The following FBH1 variants were observed in gnomAD, a reference collection of about 807,000 sequenced individuals.
The protein encoded by FBH1 is DNA 3'-5' helicase 1.
A neutral mutation model predicts 115.5 loss-of-function variants in FBH1; 43 were observed. The observed-to-expected ratio is 0.37, with a 90% CI of 0.29 to 0.48. The LOEUF is 0.48. Among genes scored for constraint, FBH1 ranks in the 20% least tolerant of loss-of-function variants. The probability of loss-of-function intolerance (pLI) is 0.99; values close to 1 mark genes in which losing one functional copy is unlikely to be tolerated. For synonymous variants in FBH1, 524 were observed against 507.8 expected, an observed-to-expected ratio of 1.03 and a Z score of -0.43; for missense variants, 1,001 against 1,337.3, an observed-to-expected ratio of 0.75 and a Z score of 3.92.
chr10:5,937,414 C>T lies in FBH1; in HGVS notation c.*134C>T. ...CACTTTCTGAGGAAGAGGACACCAG[C>T]CCAAGCTGGACCTGCCATTTCTCCA... On this transcript the variant is annotated 3_prime_UTR_variant, in exon 21 of 21. Coordinates refer to ENST00000362091, the MANE Select transcript of FBH1 (RefSeq NM_178150.3). 1.0e-6 allele frequency: 1 copy of T among 996,362 alleles called. No individual in the cohort carries two copies. The highest frequency in any genetic ancestry group is 1.4e-6 in the Non-Finnish European group (1 of 735,684). 61.7% of individuals were successfully genotyped at this position (996,362 alleles called of 1,614,324 possible).
chr10:5,936,504 G>T lies in FBH1; in HGVS notation c.2878G>T (p.Val960Leu), dbSNP rs200231278. The change falls in exon 20 of 21, where the codon GTG (valine) becomes TTG (leucine). Residue 960 changes from valine to leucine, a missense_variant. Physicochemically the swap from Val to Leu is conservative, Grantham distance 32. Coordinates refer to ENST00000362091, the MANE Select transcript of FBH1 (RefSeq NM_178150.3). The surrounding 1 kb of genome is among the most constrained non-coding windows in gnomAD (Gnocchi z 5.6). ...ELTSNVLKTG[V>L]VRCCVGQCNN... ...GACAAGCAACGTCTTAAAAACAGGC[G>T]TGGTGCGCTGCTGCGTGGGACAGTG... 2 of 1,614,110 alleles carry T rather than the reference G, an allele frequency of 1.2e-6. No homozygotes were observed.
rs1211336726 is a variant in FBH1 at position 5,913,740 on chromosome 10, C to T, written c.1212-7C>T. 3.9e-6 allele frequency: 6 copies of T among 1,526,438 alleles called. No individual in the cohort carries two copies. The highest frequency in any genetic ancestry group is 1.3e-5 in the South Asian group (1 of 76,880). 94.6% of individuals were successfully genotyped at this position (1,526,438 alleles called of 1,614,324 possible). ...AGACTTTCTAAATCTACTTTTTTTTCTGGTAGGATTCACTACAACATTTTC... is the reference window on the plus strand; with the variant it reads ...AGACTTTCTAAATCTACTTTTTTTTTTGGTAGGATTCACTACAACATTTTC... On this transcript the variant is annotated splice_region_variant and splice_polypyrimidine_tract_variant and intron_variant, in intron 6 of 20. Coordinates refer to ENST00000362091, the MANE Select transcript of FBH1 (RefSeq NM_178150.3). The surrounding 1 kb of genome is among the most constrained non-coding windows in gnomAD (Gnocchi z 4.4).
chr10:5,902,734 G>A (rs932940930), intron 1 of FBH1, among the ~76,000 whole-genome samples: 1 of 151,976 alleles, frequency 6.6e-6, no homozygotes, highest in East Asian at 1.9e-4. Context: ...CAGCCACAAC[G>A]TTTTCTTAAA....
chr10:5,930,085 T>C (rs1190978883), intron 19 of FBH1, among the ~76,000 whole-genome samples: 2 of 152,118 alleles, frequency 1.3e-5, no homozygotes, highest in African/African-American at 4.8e-5. Flanking sequence ...CATTAAAAAG[T>C]AAAGAAAGCA....
At chr10:5,927,630 T>G in intron 19 of FBH1, 89 bp downstream of exon 19, 1 of 958,770 alleles carries the variant, frequency 1.0e-6, no homozygotes, top group Non-Finnish European at 1.6e-6. Flanking sequence ...TTCAGAGGCC[T>G]TCGGATCAAG....
chr10:5,909,129 C>T lies in FBH1; in HGVS notation c.885-30C>T, dbSNP rs1441769067. ...TACATCAGTGCTTATGGTCACCCTA[C>T]TCATGGCCTCTCCTGTGAATGTCTT... On this transcript the variant is annotated intron_variant, in intron 4 of 20. Coordinates refer to ENST00000362091, the MANE Select transcript of FBH1 (RefSeq NM_178150.3). The surrounding 1 kb of genome is among the most constrained non-coding windows in gnomAD (Gnocchi z 4.4). 1.2e-6 allele frequency: 2 copies of T among 1,613,264 alleles called. No homozygotes were observed. The highest frequency in any genetic ancestry group is 3.3e-5 in the Admixed American group (2 of 59,996).
At position 5,903,090 on chromosome 10, in the gene FBH1, G is replaced by A; in HGVS notation, c.72G>A (p.Val24=). Residue 24 remains valine (V), a synonymous_variant, in exon 2 of 21, where the codon GTG becomes GTA. Transcript: ENST00000362091. ...ATTTGGCTCGGAGTCACTTGGCTGT[G>A]ACCCAGCCCTTCGGTCAAAGATGGA... is the stretch of plus-strand genomic sequence containing the variant. ...CQHLARSHLA[V]TQPFGQRWTN... is the part of the protein sequence containing the mutation. The A allele has an allele frequency of 6.2e-7, 1 of 1,613,868 alleles. No individual in the cohort carries two copies.
rs958638446 is a variant in FBH1, at chr10:5,935,752, G to A, written c.2830-704G>A. 1 of 152,276 alleles carries A rather than the reference G, an allele frequency of 6.6e-6. No homozygotes were observed. The highest frequency in any genetic ancestry group is 1.5e-5 in the Non-Finnish European group (1 of 68,064). The allele number at this position is 152,276 out of a possible 1,614,324, so 9.4% of individuals were successfully genotyped here. ...AGAAAATACGAAACCGTCCTTTCCT[G>A]GGCAGCAGATGTGTGCGGTCCTGCT... is the stretch of plus-strand genomic sequence containing the variant. On this transcript the variant is annotated intron_variant, in intron 19 of 20. Transcript: ENST00000362091. The surrounding 1 kb of genome is among the most constrained non-coding windows in gnomAD (Gnocchi z 5.2).
At position 5,913,683 on chromosome 10, in the gene FBH1, A is replaced by G; in HGVS notation, c.1212-64A>G. ...GGAAGGAGTTTAAATCCATCTGAGGAAAAATAAGATGCAGATTGTGACTTG... is the reference window on the plus strand; with the variant it reads ...GGAAGGAGTTTAAATCCATCTGAGGGAAAATAAGATGCAGATTGTGACTTG... On this transcript the variant is annotated intron_variant, in intron 6 of 20. Transcript: ENST00000362091. This position sits in a 1 kb window ranked among gnomAD's most constrained non-coding sequence, Gnocchi z 4.4. 8.5e-7 allele frequency: 1 copy of G among 1,169,650 alleles called. No homozygotes were observed. The highest frequency in any genetic ancestry group is 1.6e-5 in the South Asian group (1 of 62,966). 72.5% of individuals were successfully genotyped at this position (1,169,650 alleles called of 1,614,324 possible).
rs143003526 is a variant in FBH1, at chr10:5,918,537, G to A, written c.2100+59G>A. 2.7e-6 allele frequency: 4 copies of A among 1,484,164 alleles called. No individual in the cohort carries two copies. Among genetic ancestry groups the A allele is most frequent in the Non-Finnish European group, 3.6e-6 (4 of 1,121,726 alleles). The allele number at this position is 1,484,164 out of a possible 1,614,324, so 91.9% of individuals were successfully genotyped here. A position where few individuals can be genotyped will look rare whatever the true frequency, so the allele number is the denominator to read the frequency against. On this transcript the variant is annotated intron_variant, in intron 13 of 20. Transcript: ENST00000362091. The surrounding 1 kb of genome is among the most constrained non-coding windows in gnomAD (Gnocchi z 4.0). ...CTCTCTCCCAATGTCTTACGTGCCA[G>A]GCCCTGTGAAAGGTGGTATGCCAGG...
In FBH1 at chr10:5,931,680, A is replaced by G. The variant is rs537280313; in HGVS notation, c.2829+4139A>G. Among the ~76,000 whole-genome samples the G allele has an allele frequency of 1.3e-5, 2 of 152,374 alleles. No individual in the cohort carries two copies. Among genetic ancestry groups the G allele is most frequent in the Admixed American group, 6.5e-5 (1 of 15,304 alleles). ...GAATGATGTATTTATTAGTCAAAAT[A>G]TCATGTTCTGAAGTCACTTAAAGTA... On this transcript the variant is annotated intron_variant, in intron 19 of 20. Coordinates refer to ENST00000362091, the MANE Select transcript of FBH1 (RefSeq NM_178150.3). This position sits in a 1 kb window ranked among gnomAD's most constrained non-coding sequence, Gnocchi z 4.3.
rs548881005 is a variant in FBH1, at chr10:5,895,923, G to A, written c.1+5577G>A. Among the ~76,000 whole-genome samples the A allele has an allele frequency of 1.3e-5, 2 of 152,224 alleles. No individual in the cohort carries two copies. The highest frequency in any genetic ancestry group is 1.9e-4 in the East Asian group (1 of 5,178). ...AAGTATAGCCCAGCTGTGTGCTCAG[G>A]GAGAAGAGCAACAACATTCTTTGCA... On this transcript the variant is annotated intron_variant, in intron 1 of 20. Coordinates refer to ENST00000362091, the MANE Select transcript of FBH1 (RefSeq NM_178150.3). The surrounding 1 kb of genome is among the most constrained non-coding windows in gnomAD (Gnocchi z 5.0).
Position 5,917,153 on chromosome 10 carries a change from A to G in FBH1, c.1789-267A>G. 4.4e-6 allele frequency: 2 copies of G among 451,640 alleles called. No individual in the cohort carries two copies. The highest frequency in any genetic ancestry group is 8.1e-6 in the Non-Finnish European group (2 of 248,390). The allele number at this position is 451,640 out of a possible 1,614,324, so 28.0% of individuals were successfully genotyped here. A position where few individuals can be genotyped will look rare whatever the true frequency, so the allele number is the denominator to read the frequency against. On this transcript the variant is annotated intron_variant, in intron 10 of 20. Transcript: ENST00000362091. The surrounding 1 kb of genome is among the most constrained non-coding windows in gnomAD (Gnocchi z 5.6). Reference sequence around the variant, plus strand: ...CATCAGTCATAAATCTAGAAGAACAATTTGGCCTTTTCTGGTTCACCTAAC... The same window carrying G: ...CATCAGTCATAAATCTAGAAGAACAGTTTGGCCTTTTCTGGTTCACCTAAC...
intron 1 of FBH1, chr10:5,894,203 C>T (rs1842886728): frequency 4.1e-6 from 4 of 985,232 alleles, no homozygotes; most frequent in Admixed American, 6.2e-5. Flanking sequence ...TTTCTGCATT[C>T]GTTTCTTTTA....
intron 1 of FBH1, among the ~76,000 whole-genome samples, chr10:5,894,869 AAAC>A (rs1260401223): frequency 3.3e-5 from 5 of 152,366 alleles, no homozygotes; most frequent in East Asian, 1.9e-4. Context: ...GTGCAATTAA[AAAC>A]AATAATTCAT....
chr10:5,924,535 T>TC lies in FBH1; in HGVS notation c.2596+32dup, dbSNP rs761471561. The TC allele has an allele frequency of 8.7e-6, 14 of 1,606,836 alleles. No individual in the cohort carries two copies. The highest frequency in any genetic ancestry group is 1.7e-5 in the Admixed American group (1 of 59,844). ...TAAGGGAAGCAGTTGGTTTTTACCT[T>TC]CCCCCTAAGAGGAGGAACAGATGGT... On this transcript the variant is annotated intron_variant, in intron 17 of 20. Coordinates refer to ENST00000362091, the MANE Select transcript of FBH1 (RefSeq NM_178150.3). The surrounding 1 kb of genome is among the most constrained non-coding windows in gnomAD (Gnocchi z 6.2).
At chr10:5,905,630 G>A (rs1843644845) in intron 2 of FBH1, among the ~76,000 whole-genome samples, 1 of 152,246 alleles carries the variant, frequency 6.6e-6, no homozygotes, top group South Asian at 2.1e-4. Context: ...GTGAATTTCT[G>A]CTTAAGCACA....
At chr10:5,893,984 A>G (rs1422505336) in intron 1 of FBH1, 1 of 985,254 alleles carries the variant, frequency 1.0e-6, no homozygotes, top group African/African-American at 1.7e-5. Context: ...TAGGAAAAAC[A>G]TAGAACGGAA....
chr10:5,910,841 G>C lies in FBH1; in HGVS notation c.1021-97G>C, dbSNP rs1185669871. 1 of 1,039,816 alleles carries C rather than the reference G, an allele frequency of 9.6e-7. No individual in the cohort carries two copies. Among genetic ancestry groups the C allele is most frequent in the Non-Finnish European group, 1.4e-6 (1 of 721,728 alleles). 64.4% of individuals were successfully genotyped at this position (1,039,816 alleles called of 1,614,324 possible). A position where few individuals can be genotyped will look rare whatever the true frequency, so the allele number is the denominator to read the frequency against. On this transcript the variant is annotated intron_variant, in intron 5 of 20. Transcript: ENST00000362091. This position sits in a 1 kb window ranked among gnomAD's most constrained non-coding sequence, Gnocchi z 4.8. ...TCCAGACAGTCTGTAGCCAGCAGCT[G>C]GACCCGTGGCTCGGCTTTCCTGACT...
Sources: gnomAD v4.1 joint callset for allele counts (sites outside exome capture counted in the v4.1 genomes callset) on GRCh38, gnomAD v4.1.1 for gene constraint, Gnocchi (gnomAD v3.1) non-coding constraint, MANE v1.5 for transcripts, NCBI Gene and HGNC (gene_info 2026-07-23, HGNC 2026-07-21) for gene names.